Variants in ZFPM1 observed in about 807,000 individuals in gnomAD.
The protein encoded by ZFPM1 is zinc finger protein ZFPM1.
Under a neutral mutation model 46.3 loss-of-function variants are expected in ZFPM1, and 28 were observed. The ratio of observed to expected loss-of-function variants is 0.60; its 90% CI spans 0.45 to 0.83. The LOEUF (loss-of-function observed/expected upper bound fraction) is 0.83. Among genes scored for constraint, ZFPM1 ranks in the 40% least tolerant of loss-of-function variants. The pLI is 0.00. For missense variants in ZFPM1, 1,878 were observed against 1,432.4 expected (o/e 1.31, Z -5.02); for synonymous variants, 957 against 675.9 (o/e 1.42, Z -6.45).
rs186048030 is a variant in ZFPM1, at chr16:88,471,008, G to C, written c.41-14931G>C. ...CAGCTCAGATGCCAGTACCTCACCC[G>C]GTGGGGTCCAGCCTCCGCGACAGGC... On this transcript the variant is annotated intron_variant, in intron 1 of 9. Coordinates refer to ENST00000319555, the MANE Select transcript of ZFPM1 (RefSeq NM_153813.3). The surrounding 1 kb of genome is among the most constrained non-coding windows in gnomAD (Gnocchi z 4.1). 6.6e-6 allele frequency among the ~76,000 whole-genome samples: 1 copy of C among 152,150 alleles called. No homozygotes were observed. Among genetic ancestry groups the C allele is most frequent in the East Asian group, 1.9e-4 (1 of 5,198 alleles).
At chr16:88,482,242 G>A (rs889946858) in intron 1 of ZFPM1, among the ~76,000 whole-genome samples, 3 of 151,914 alleles carry the variant, frequency 2.0e-5, no homozygotes, top group Non-Finnish European at 4.4e-5. Context: ...GTGCTCTGTC[G>A]CCCACCTGGA....
Position 88,497,245 on chromosome 16 carries a change from C to A in ZFPM1, c.268+8092C>A, listed in dbSNP as rs946419882. Reference sequence around the variant, plus strand: ...GGCTGGGTGTGAGAGATGGGAGGGGCGGCAGGTGGACGGCCCCAGCCCCAG... The same window carrying A: ...GGCTGGGTGTGAGAGATGGGAGGGGAGGCAGGTGGACGGCCCCAGCCCCAG... On this transcript the variant is annotated intron_variant, in intron 3 of 9. Coordinates refer to ENST00000319555, the MANE Select transcript of ZFPM1 (RefSeq NM_153813.3). This position sits in a 1 kb window ranked among gnomAD's most constrained non-coding sequence, Gnocchi z 5.4. Among the ~76,000 whole-genome samples, 4 of 151,374 alleles carry A rather than the reference C, an allele frequency of 2.6e-5. No individual in the cohort carries two copies. The highest frequency in any genetic ancestry group is 9.8e-5 in the African/African-American group (4 of 40,862).
chr16:88,462,617 G>A (rs963240252), intron 1 of ZFPM1, among the ~76,000 whole-genome samples: 12 of 152,334 alleles, frequency 7.9e-5, no homozygotes, highest in Admixed American at 3.9e-4. Flanking sequence ...CAGCCACCGC[G>A]GGCTTCCGGG....
At chr16:88,521,408 G>C (rs889656636) in intron 4 of ZFPM1, among the ~76,000 whole-genome samples, 4 of 151,948 alleles carry the variant, frequency 2.6e-5, no homozygotes, top group African/African-American at 9.7e-5. Flanking sequence ...AGACCCTGTG[G>C]TGCCTCCAGG....
chr16:88,527,887 C>T (rs1050542674), intron 5 of ZFPM1, 145 bp from the exon 6 acceptor site: 13 of 765,786 alleles, frequency 1.7e-5, no homozygotes, highest in Admixed American at 6.5e-5. Flanking sequence ...GCCTTGCCCC[C>T]CAGGCAGGAT....
chr16:88,518,774 TGATGGGTG>T (rs1160925652), intron 4 of ZFPM1, among the ~76,000 whole-genome samples: 1 of 103,978 alleles, frequency 9.6e-6, no homozygotes, highest in East Asian at 2.8e-4. Context: ...GATGGATGGA[TGATGGGTG>T]GATGGGTGGA....
chr16:88,530,488 G>A (rs1597287238), intron 6 of ZFPM1: 1 of 152,322 alleles, frequency 6.6e-6, no homozygotes, highest in African/African-American at 2.4e-5. Flanking sequence ...CACGGCCGAC[G>A]CTTGTCTGCT....
chr16:88,478,746 A>G (rs1375305857), intron 1 of ZFPM1, among the ~76,000 whole-genome samples: 3 of 152,232 alleles, frequency 2.0e-5, no homozygotes, highest in Non-Finnish European at 4.4e-5. Context: ...AACTGCACAT[A>G]GAGGCGAGGG....
At chr16:88,508,118 G>A (rs148682500) in intron 3 of ZFPM1, among the ~76,000 whole-genome samples, 1,849 of 152,202 alleles carry the variant, frequency 0.012, 39 homozygotes, top group African/African-American at 0.042. Context: ...CCAACATGGC[G>A]AAACCCCTTC....
intron 1 of ZFPM1, among the ~76,000 whole-genome samples, chr16:88,456,930 C>A (rs923921884): frequency 2.6e-5 from 4 of 152,188 alleles, no homozygotes; most frequent in Non-Finnish European, 5.9e-5. Context: ...CCGGAAGGAG[C>A]CGGGGAGGGA....
chr16:88,532,081 C>T lies in ZFPM1; in HGVS notation c.792C>T (p.Cys264=), dbSNP rs45611335. ...RNLQAHLLYY[C]ASRQGTGSPA... ...TGCAGGCGCACCTGCTCTACTACTG[C>T]GCCAGCCGCCAGGGCACCGGCTCCC... Residue 264 remains cysteine, a synonymous_variant, in exon 7 of 10, where the codon TGC becomes TGT. Transcript: ENST00000319555. The T allele has an allele frequency of 0.099, 160,086 of 1,612,384 alleles. 9,141 individuals carry two copies. The highest frequency in any genetic ancestry group is 0.12 in the Non-Finnish European group (139,303 of 1,179,716).
chr16:88,468,835 C>T (rs1031229901), intron 1 of ZFPM1: 1 of 152,334 alleles, frequency 6.6e-6, no homozygotes, highest in Non-Finnish European at 1.5e-5. Flanking sequence ...CAGGGGCTGC[C>T]CTTGACCTGG....
At chr16:88,468,209 C>T (rs368854755) in intron 1 of ZFPM1, among the ~76,000 whole-genome samples, 9 of 147,830 alleles carry the variant, frequency 6.1e-5, no homozygotes, top group Admixed American at 4.7e-4. Flanking sequence ...CTCAAGCACC[C>T]GCGAGCCCAC....
At chr16:88,488,849 A>G (rs925765774) in intron 2 of ZFPM1, among the ~76,000 whole-genome samples, 182 bp from the exon 3 acceptor site, 1 of 152,194 alleles carries the variant, frequency 6.6e-6, no homozygotes, top group African/African-American at 2.4e-5. Flanking sequence ...GTTTTAAAAG[A>G]GCAAGAGGAA....
chr16:88,524,507 G>A (rs986228869), intron 4 of ZFPM1, among the ~76,000 whole-genome samples: 1 of 152,124 alleles, frequency 6.6e-6, no homozygotes, highest in South Asian at 2.1e-4. Context: ...CCTTTCTCGG[G>A]GCAGCCACTC....
At chr16:88,457,015 A>G (rs1014881917) in intron 1 of ZFPM1, among the ~76,000 whole-genome samples, 3 of 152,222 alleles carry the variant, frequency 2.0e-5, no homozygotes, top group Admixed American at 6.5e-5. Context: ...ACACACTCTC[A>G]GAGTTTGATT....
rs1168412266 is a variant in ZFPM1 at position 88,453,625 on chromosome 16, G to A, written c.-14G>A. 9.0e-7 allele frequency: 1 copy of A among 1,115,342 alleles called. No individual in the cohort carries two copies. The highest frequency in any genetic ancestry group is 1.1e-6 in the Non-Finnish European group (1 of 901,554). 69.1% of individuals were successfully genotyped at this position (1,115,342 alleles called of 1,614,324 possible). Reference sequence around the variant, plus strand: ...CTAGAGGCGGCCGCCGGGAGGGCGCGCGGCGCCGGAGACATGTCCAGGCGG... The same window carrying A: ...CTAGAGGCGGCCGCCGGGAGGGCGCACGGCGCCGGAGACATGTCCAGGCGG... On this transcript the variant is annotated 5_prime_UTR_variant, in exon 1 of 10. Coordinates refer to ENST00000319555, the MANE Select transcript of ZFPM1 (RefSeq NM_153813.3).
At chr16:88,477,256 C>G (rs1908731269) in intron 1 of ZFPM1, among the ~76,000 whole-genome samples, 1 of 152,232 alleles carries the variant, frequency 6.6e-6, no homozygotes, top group African/African-American at 2.4e-5. Context: ...TGTGAGGGCC[C>G]CGGGTCAGCG....
At chr16:88,481,303 C>T (rs1218864973) in intron 1 of ZFPM1, among the ~76,000 whole-genome samples, 1 of 152,180 alleles carries the variant, frequency 6.6e-6, no homozygotes, top group Non-Finnish European at 1.5e-5. Flanking sequence ...CTGACATCAC[C>T]CTCACTGCAG....
Sources: gnomAD v4.1 joint callset for allele counts (sites outside exome capture counted in the v4.1 genomes callset) on GRCh38, gnomAD v4.1.1 for gene constraint, Gnocchi (gnomAD v3.1) non-coding constraint, MANE v1.5 for transcripts, NCBI Gene and HGNC (gene_info 2026-07-23, HGNC 2026-07-21) for gene names.